The following LRP2 variants were observed in gnomAD, a reference collection of about 807,000 sequenced individuals.
The protein encoded by LRP2 is low-density lipoprotein receptor-related protein 2.
In LRP2, 172 loss-of-function variants were observed where a neutral mutation model predicts 531.0. That is an observed-to-expected ratio of 0.32 (90% CI 0.29 to 0.37). The LOEUF is 0.37. LRP2 is among the 10% of genes least tolerant of loss of function. The pLI is 1.00. For synonymous variants in LRP2, 1,992 were observed against 2,027.6 expected, an observed-to-expected ratio of 0.98 and a Z score of 0.47; for missense variants, 5,167 against 5,868.3, an observed-to-expected ratio of 0.88 and a Z score of 3.90.
chr2:169,203,044 C>T lies in LRP2; in HGVS notation c.8006-85G>A. The T allele has an allele frequency of 2.8e-6, 3 of 1,078,844 alleles. No individual in the cohort carries two copies. In the South Asian group the frequency reaches 3.9e-5, roughly 14 times the overall value. 66.8% of individuals were successfully genotyped at this position (1,078,844 alleles called of 1,614,324 possible). A position where few individuals can be genotyped will look rare whatever the true frequency, so the allele number is the denominator to read the frequency against. The stretch of plus-strand genomic sequence containing the variant: ...CCCTCCACAATAGCACTTGCAACAG[C>T]TTCTACATTAAATGCTCCCTAAGAA... On this transcript the variant is annotated intron_variant, in intron 42 of 78. Transcript: ENST00000649046.
intron 18 of LRP2, among the ~76,000 whole-genome samples, chr2:169,256,676 A>G (rs1660125211): frequency 6.6e-6 from 1 of 152,106 alleles, no homozygotes; most frequent in African/African-American, 2.4e-5. Context: ...ACCATAGCTT[A>G]TACTTTTAAA....
chr2:169,186,737 T>C (rs755154294), intron 49 of LRP2, among the ~76,000 whole-genome samples: 1 of 152,218 alleles, frequency 6.6e-6, no homozygotes, highest in Non-Finnish European at 1.5e-5. Flanking sequence ...TCACTAGTAC[T>C]CCTTCCAGTT....
At position 169,181,543 on chromosome 2, in the gene LRP2, C is replaced by G. The variant is rs1450402077; in HGVS notation, c.10074G>C (p.Val3358=). 1 of 1,614,172 alleles carries G rather than the reference C, an allele frequency of 6.2e-7. No individual in the cohort carries two copies. Among genetic ancestry groups the G allele is most frequent in the East Asian group, 2.2e-5 (1 of 44,880 alleles). The change falls in exon 52 of 79, where the codon GTG becomes GTC. Residue 3358 remains valine (V), a synonymous_variant. Coordinates refer to ENST00000649046, the MANE Select transcript of LRP2 (RefSeq NM_004525.3). ...RVGMDGTNKS[V]IISTKLEWPN... is the part of the protein sequence containing the mutation. ...GCCACTCTAACTTGGTGGAGATTAT[C>G]ACAGACTTGTTGGTTCCATCCATGC...
At position 169,264,146 on chromosome 2, in the gene LRP2, A is replaced by T. The variant is rs542356413; in HGVS notation, c.2321-4929T>A. Reference sequence around the variant, plus strand: ...CATTGGGAGATATAACTAATGCTAGATGACGAGTTAGTGGGTGCAGCGCAC... The same window carrying T: ...CATTGGGAGATATAACTAATGCTAGTTGACGAGTTAGTGGGTGCAGCGCAC... On this transcript the variant is annotated intron_variant, in intron 16 of 78. Coordinates refer to ENST00000649046, the MANE Select transcript of LRP2 (RefSeq NM_004525.3). Among the ~76,000 whole-genome samples, 9 of 152,282 alleles carry T rather than the reference A, an allele frequency of 5.9e-5. No homozygotes were observed. In the East Asian group the frequency reaches 1.7e-3, roughly 29 times the overall value.
In LRP2 at chr2:169,209,583, A is replaced by C. The variant is rs763695662; in HGVS notation, c.6339T>G (p.Asp2113Glu). The change falls in exon 38 of 79, where the codon GAT (aspartate) becomes GAG (glutamate). Residue 2113 changes from aspartate to glutamate, a missense_variant. Transcript: ENST00000649046. ...DVSSGFIYWC[D>E]FSSSVASDNA... ...TATCAGATGCCACTGAGCTGCTAAA[A>C]TCACACCAATAAATAAAGCCAGAGG... is the stretch of plus-strand genomic sequence containing the variant. 22 of 1,614,044 alleles carry C rather than the reference A, an allele frequency of 1.4e-5. No individual in the cohort carries two copies. The highest frequency in any genetic ancestry group is 1.8e-5 in the Non-Finnish European group (21 of 1,180,014).
At chr2:169,273,537 C>G (rs1683477615) in intron 14 of LRP2, among the ~76,000 whole-genome samples, 1 of 152,132 alleles carries the variant, frequency 6.6e-6, no homozygotes, top group African/African-American at 2.4e-5. Context: ...AGAATCTAAA[C>G]AGTTAAATAA....
At chr2:169,273,664 A>G (rs1190845481) in intron 14 of LRP2, among the ~76,000 whole-genome samples, 1 of 152,184 alleles carries the variant, frequency 6.6e-6, no homozygotes, top group Non-Finnish European at 1.5e-5. Flanking sequence ...AGCCACTCTC[A>G]AAGTAGTGAC....
At chr2:169,231,897 CA>C in intron 30 of LRP2, 55 bp from the exon 31 acceptor site, 1 of 1,599,972 alleles carries the variant, frequency 6.3e-7, no homozygotes, top group Non-Finnish European at 8.5e-7. Context: ...ACATTAAAAT[CA>C]AAACAGAGTC....
chr2:169,205,619 G>A lies in LRP2; in HGVS notation c.7575C>T (p.Asp2525=). Reference sequence around the variant, plus strand: ...TCTCGATTTTGGCATGTGTATCCCAGTCAGCCCAGTACAGGTACCTAGTCA... The same window carrying A: ...TCTCGATTTTGGCATGTGTATCCCAATCAGCCCAGTACAGGTACCTAGTCA... The part of the protein sequence containing the change: ...DPCQGYLYWA[D]WDTHAKIERA... The change falls in exon 41 of 79, where the codon GAC becomes GAT. Residue 2525 remains aspartate (D), a synonymous_variant. Transcript: ENST00000649046. The A allele has an allele frequency of 6.2e-7, 1 of 1,613,152 alleles. No individual in the cohort carries two copies. Among genetic ancestry groups the A allele is most frequent in the East Asian group, 2.2e-5 (1 of 44,832 alleles).
chr2:169,223,572 A>G (rs1689091743), intron 33 of LRP2, among the ~76,000 whole-genome samples: 1 of 152,182 alleles, frequency 6.6e-6, no homozygotes, highest in African/African-American at 2.4e-5. Flanking sequence ...ATTTTCTGCC[A>G]CTGTCAAAGA....
At position 169,235,956 on chromosome 2, in the gene LRP2, C is replaced by T. The variant is rs765078256; in HGVS notation, c.4804G>A (p.Gly1602Ser). The change falls in exon 29 of 79, where the codon GGC (glycine) becomes AGC (serine). Residue 1602 changes from glycine (G) to serine (S), a missense_variant. Gly to Ser is a moderately conservative substitution (Grantham distance 56). Transcript: ENST00000649046. Reference protein sequence around the residue: ...IVQDKIFWPCGLTIDYPNRLL... With the variant: ...IVQDKIFWPCSLTIDYPNRLL... ...CTGTTGGGGTAGTCAATAGTTAAGC[C>T]GCAGGGCCAGAAGATCTTGTCCTGG... 2.4e-5 allele frequency: 38 copies of T among 1,614,008 alleles called. No individual in the cohort carries two copies. In the East Asian group the frequency reaches 6.2e-4, roughly 26 times the overall value.
rs1349951904 is a variant in LRP2, at chr2:169,204,383, T to C, written c.7716-112A>G. 2.9e-6 allele frequency: 3 copies of C among 1,028,572 alleles called. No homozygotes were observed. The South Asian group carries it at 3.8e-5, about 13-fold the overall frequency. 63.7% of individuals were successfully genotyped at this position (1,028,572 alleles called of 1,614,324 possible). ...TTGTTTACACAAGCTGCAAACTTTC[T>C]TTTCAAATGGGGCATATGGCAGCTG... On this transcript the variant is annotated intron_variant, in intron 41 of 78. Coordinates refer to ENST00000649046, the MANE Select transcript of LRP2 (RefSeq NM_004525.3).
intron 3 of LRP2, among the ~76,000 whole-genome samples, chr2:169,308,512 C>G (rs995628883): frequency 3.9e-5 from 6 of 152,070 alleles, no homozygotes; most frequent in Non-Finnish European, 8.8e-5. Context: ...TCAGAATGAT[C>G]GTTTCCAGCT....
rs1447847839 is a variant in LRP2 at position 169,154,597 on chromosome 2, G to T, written c.12158C>A (p.Ser4053Tyr). Reference protein sequence around the residue: ...PGKRCAAEGSSPLLLLPDNVR... With the variant: ...PGKRCAAEGSYPLLLLPDNVR... ...ATTGTCAGGCAGTAGCAACAAAGGA[G>T]AGCTACCTGTAAACAAACAAAGGGC... Residue 4053 changes from serine (S) to tyrosine (Y), a missense_variant, in exon 66 of 79, where the codon TCT (serine) becomes TAT (tyrosine). Physicochemically the swap from Ser to Tyr is moderately radical, Grantham distance 144. Coordinates refer to ENST00000649046, the MANE Select transcript of LRP2 (RefSeq NM_004525.3). 1 of 1,613,266 alleles carries T rather than the reference G, an allele frequency of 6.2e-7. No individual in the cohort carries two copies. Among genetic ancestry groups the T allele is most frequent in the African/African-American group, 1.3e-5 (1 of 74,848 alleles).
intron 72 of LRP2, 74 bp downstream of exon 72, chr2:169,140,381 C>A: frequency 8.5e-7 from 1 of 1,171,980 alleles, no homozygotes; most frequent in Non-Finnish European, 1.3e-6. Flanking sequence ...ATTTGTTTTC[C>A]TGGCTACTTT....
chr2:169,243,298 C>A (rs148541367), intron 23 of LRP2, 105 bp downstream of exon 23: 10 of 1,381,290 alleles, frequency 7.2e-6, no homozygotes, highest in Non-Finnish European at 9.1e-6. Context: ...CTCCCCACCC[C>A]CCAACAGGCC....
intron 1 of LRP2, among the ~76,000 whole-genome samples, chr2:169,331,323 A>G (rs1685259739): frequency 1.3e-5 from 2 of 152,180 alleles, no homozygotes; most frequent in Admixed American, 1.3e-4. Flanking sequence ...TAAATTGACA[A>G]TCACTTAAGC....
intron 44 of LRP2, among the ~76,000 whole-genome samples, chr2:169,200,386 A>AT (rs761315721): frequency 5.4e-4 from 82 of 152,366 alleles, no homozygotes; most frequent in Admixed American, 2.5e-3. Context: ...CACAAAGGGA[A>AT]TGAGGTCTCC....
At chr2:169,328,339 G>A (rs1274507694) in intron 1 of LRP2, among the ~76,000 whole-genome samples, 9 of 142,956 alleles carry the variant, frequency 6.3e-5, no homozygotes, top group Non-Finnish European at 9.1e-5. Flanking sequence ...GGTGAGGGGC[G>A]CCTCTGCCCG....
Sources: allele counts gnomAD v4.1 joint callset (sites outside exome capture counted in the v4.1 genomes callset), GRCh38; gene constraint gnomAD v4.1.1; transcripts MANE v1.5; gene names NCBI Gene and HGNC (gene_info 2026-07-23, HGNC 2026-07-21).